The following ABHD17B variants were observed in gnomAD, a reference collection of about 807,000 sequenced individuals.
ABHD17B encodes the protein abhydrolase domain containing 17B, depalmitoylase, also known as alpha/beta hydrolase domain-containing protein 17B.
In ABHD17B, 9 loss-of-function variants were observed where a neutral mutation model predicts 26.2. The observed-to-expected ratio is 0.34, with a 90% CI of 0.21 to 0.60. ABHD17B has a LOEUF of 0.60. Ranked by LOEUF, ABHD17B falls within the 20% of genes least tolerant of loss-of-function variation. The probability of loss-of-function intolerance (pLI) is 0.80; values close to 1 mark genes in which losing one functional copy is unlikely to be tolerated. For missense variants in ABHD17B, 224 were observed against 352.1 expected, an observed-to-expected ratio of 0.64 and a Z score of 2.91; for synonymous variants, 127 against 122.3, an observed-to-expected ratio of 1.04 and a Z score of -0.25.
intron 3 of ABHD17B, 78 bp from the exon 4 acceptor site, chr9:71,867,084 G>C (rs1328019976): frequency 1.4e-6 from 2 of 1,467,814 alleles, no homozygotes; most frequent in African/African-American, 1.4e-5. Flanking sequence ...ATATCAGACA[G>C]ATAATTCAAA....
downstream of ABHD17B, among the ~76,000 whole-genome samples, chr9:71,862,930 C>T (rs1211045360): frequency 1.3e-5 from 2 of 152,184 alleles, no homozygotes; most frequent in African/African-American, 4.8e-5. Context: ...TGAGCCACCT[C>T]TCCCTGCTTA....
At chr9:71,863,590 T>C (rs1163409207), downstream of ABHD17B, among the ~76,000 whole-genome samples, 1 of 152,246 alleles carries the variant, frequency 6.6e-6, no homozygotes, top group African/African-American at 2.4e-5. Context: ...CTGGAATTTC[T>C]TCTGTGACAC....
At chr9:71,885,976 T>C (rs1826596373) in intron 1 of ABHD17B, among the ~76,000 whole-genome samples, 1 of 152,218 alleles carries the variant, frequency 6.6e-6, no homozygotes, top group Non-Finnish European at 1.5e-5. Flanking sequence ...TGCTTATATC[T>C]TTCTTCATTT....
intron 1 of ABHD17B, among the ~76,000 whole-genome samples, chr9:71,902,081 C>G (rs2132205691): frequency 6.6e-6 from 1 of 152,234 alleles, no homozygotes; most frequent in East Asian, 1.9e-4. Context: ...ACATATAGTT[C>G]CTTTTTTGTT....
At chr9:71,890,834 T>C (rs1826759672) in intron 1 of ABHD17B, among the ~76,000 whole-genome samples, 1 of 152,192 alleles carries the variant, frequency 6.6e-6, no homozygotes, top group Non-Finnish European at 1.5e-5. Flanking sequence ...AAAATCCATG[T>C]TGTTCTTAAA....
In ABHD17B at chr9:71,865,250, T is replaced by C; in HGVS notation, c.*1537A>G. The C allele has an allele frequency of 1.0e-6, 1 of 985,680 alleles. No homozygotes were observed. Among genetic ancestry groups the C allele is most frequent in the Non-Finnish European group, 1.2e-6 (1 of 829,860 alleles). The allele number at this position is 985,680 out of a possible 1,614,324, so 61.1% of individuals were successfully genotyped here. ...TTGAAGAGAGTCATATACTATAGTC[T>C]TAAACATAACCACGGAACGAGCAGA... On this transcript the variant is annotated 3_prime_UTR_variant, in exon 4 of 4. Coordinates refer to ENST00000333421, the MANE Select transcript of ABHD17B (RefSeq NM_001025780.3).
chr9:71,892,100 AG>A (rs1826801299), intron 1 of ABHD17B, among the ~76,000 whole-genome samples: 1 of 152,222 alleles, frequency 6.6e-6, no homozygotes, highest in Admixed American at 6.5e-5. Context: ...ACTGATAATA[AG>A]GTTTCTTCTA....
At chr9:71,872,408 C>T (rs1412637244) in intron 2 of ABHD17B, among the ~76,000 whole-genome samples, 10 of 151,564 alleles carry the variant, frequency 6.6e-5, no homozygotes, top group Non-Finnish European at 2.9e-5. Context: ...TGGTAAATGC[C>T]AAGATTAAAA....
intron 2 of ABHD17B, among the ~76,000 whole-genome samples, chr9:71,870,647 T>G (rs1334216585): frequency 6.6e-6 from 1 of 152,198 alleles, no homozygotes; most frequent in Admixed American, 6.6e-5. Flanking sequence ...TTCCGTTCAG[T>G]GTAACAAAAG....
intron 1 of ABHD17B, among the ~76,000 whole-genome samples, chr9:71,876,939 A>G (rs575774984): frequency 6.6e-6 from 1 of 152,164 alleles, no homozygotes; most frequent in African/African-American, 2.4e-5. Context: ...AGGCTTCAAA[A>G]TACAGCCTGA....
Position 71,865,352 on chromosome 9 carries a change from ACTACATAC to A in ABHD17B, c.*1427_*1434del. The A allele has an allele frequency of 1.0e-6, 1 of 982,602 alleles. No homozygotes were observed. Among genetic ancestry groups the A allele is most frequent in the Non-Finnish European group, 1.2e-6 (1 of 827,046 alleles). 60.9% of individuals were successfully genotyped at this position (982,602 alleles called of 1,614,324 possible). A position where few individuals can be genotyped will look rare whatever the true frequency, so the allele number is the denominator to read the frequency against. On this transcript the variant is annotated 3_prime_UTR_variant, in exon 4 of 4. Transcript: ENST00000333421. ...CCATATTCATTCATTTACAAATTAG[ACTACATAC>A]CATTAATTTTATTTTTATTTTTCAT...
intron 2 of ABHD17B, among the ~76,000 whole-genome samples, chr9:71,873,224 A>G (rs924259549): frequency 3.3e-5 from 5 of 152,046 alleles, no homozygotes; most frequent in African/African-American, 1.2e-4. Context: ...CACTAACCTG[A>G]CTAATAATAC....
Position 71,868,052 on chromosome 9 carries a change from C to CAAA in ABHD17B, c.648-1049_648-1047dup, listed in dbSNP as rs531749783. Among the ~76,000 whole-genome samples the CAAA allele has an allele frequency of 4.6e-3, 601 of 131,522 alleles. 4 individuals carry two copies. Among genetic ancestry groups the CAAA allele is most frequent in the African/African-American group, 0.014 (495 of 34,806 alleles). The allele number at this position is 131,522 out of a possible 152,430, so 86.3% of individuals were successfully genotyped here. On this transcript the variant is annotated intron_variant, in intron 3 of 3. Transcript: ENST00000333421. ...TGAAACCCCGTCTCTACTAAAAATA[C>CAAA]AAAAAAAAAAAAAAAAATTAGCCAG...
At chr9:71,909,022 T>A (rs1311246415) in intron 1 of ABHD17B, among the ~76,000 whole-genome samples, 1 of 152,208 alleles carries the variant, frequency 6.6e-6, no homozygotes, top group East Asian at 1.9e-4. Flanking sequence ...TATTTTTTCA[T>A]GATGTTTTTT....
At position 71,896,594 on chromosome 9, in the gene ABHD17B, C is replaced by T. The variant is rs113923283; in HGVS notation, c.-4+14040G>A. ...GCTTCAGCTTTTCCTAGTGGAAATGCTGTTTAAAAAGTCCTCTGATGGTTA... is the reference window on the plus strand; with the variant it reads ...GCTTCAGCTTTTCCTAGTGGAAATGTTGTTTAAAAAGTCCTCTGATGGTTA... On this transcript the variant is annotated intron_variant, in intron 1 of 3. Coordinates refer to ENST00000333421, the MANE Select transcript of ABHD17B (RefSeq NM_001025780.3). Among the ~76,000 whole-genome samples the T allele has an allele frequency of 3.7e-3, 568 of 152,156 alleles. 3 individuals are homozygous for T. The highest frequency in any genetic ancestry group is 0.014 in the Middle Eastern group (4 of 294).
chr9:71,863,247 C>T (rs1451598851), downstream of ABHD17B, among the ~76,000 whole-genome samples: 1 of 152,094 alleles, frequency 6.6e-6, no homozygotes, highest in Non-Finnish European at 1.5e-5. Flanking sequence ...TTTTAGTCAT[C>T]AGTTAAGGCT....
intron 1 of ABHD17B, 139 bp from the exon 2 acceptor site, chr9:71,875,222 T>C: frequency 1.5e-6 from 1 of 676,060 alleles, no homozygotes; most frequent in Non-Finnish European, 2.3e-6. Flanking sequence ...CAAACAGATT[T>C]TTGGCTTCTT....
At chr9:71,880,787 T>G (rs965467578) in intron 1 of ABHD17B, among the ~76,000 whole-genome samples, 94 of 151,946 alleles carry the variant, frequency 6.2e-4, no homozygotes, top group African/African-American at 2.1e-3. Context: ...ATAAGAACAT[T>G]AAAAAATGGA....
intron 1 of ABHD17B, among the ~76,000 whole-genome samples, chr9:71,908,104 T>C (rs1469248204): frequency 6.6e-6 from 1 of 152,156 alleles, no homozygotes; most frequent in African/African-American, 2.4e-5. Flanking sequence ...TCTGTAAAAA[T>C]TCCACAAACA....
Sources: gnomAD v4.1 joint callset for allele counts (sites outside exome capture counted in the v4.1 genomes callset) on GRCh38, gnomAD v4.1.1 for gene constraint, MANE v1.5 for transcripts, NCBI Gene and HGNC (gene_info 2026-07-23, HGNC 2026-07-21) for gene names.